Variants in TRPC4 observed in about 807,000 individuals in gnomAD.
TRPC4 encodes the protein transient receptor potential cation channel subfamily C member 4.
In TRPC4, 49 loss-of-function variants were observed where a neutral mutation model predicts 99.4. That is an observed-to-expected ratio of 0.49 (90% confidence interval 0.39 to 0.63). The LOEUF is 0.63. TRPC4 is among the 20% of genes least tolerant of loss of function. The probability of loss-of-function intolerance (pLI) is 0.00; values close to 1 mark genes in which losing one functional copy is unlikely to be tolerated. For synonymous variants in TRPC4, 454 were observed against 425.9 expected, an observed-to-expected ratio of 1.07 and a Z score of -0.81; for missense variants, 898 against 1,152.9, an observed-to-expected ratio of 0.78 and a Z score of 3.20.
chr13:37,798,693 C>G (rs1957316926), intron 1 of TRPC4, among the ~76,000 whole-genome samples: 1 of 152,008 alleles, frequency 6.6e-6, no homozygotes. Context: ...TTACTTTAAA[C>G]CAGATCTCAT....
At chr13:37,842,656 G>C (rs1472157322) in intron 1 of TRPC4, among the ~76,000 whole-genome samples, 2 of 152,120 alleles carry the variant, frequency 1.3e-5, no homozygotes, top group Non-Finnish European at 2.9e-5. Context: ...GAAAGGAGCA[G>C]GTAGCTCTCT....
intron 1 of TRPC4, among the ~76,000 whole-genome samples, chr13:37,829,834 A>G (rs970248159): frequency 5.9e-5 from 9 of 152,236 alleles, no homozygotes; most frequent in African/African-American, 1.9e-4. Context: ...AGTTCGTACT[A>G]CAACACAGAT....
intron 4 of TRPC4, among the ~76,000 whole-genome samples, chr13:37,686,740 C>T (rs1953495264): frequency 6.6e-6 from 1 of 152,122 alleles, no homozygotes; most frequent in Admixed American, 6.5e-5. Context: ...TCAATAGAAG[C>T]TATTTTTAAC....
chr13:37,789,972 AG>A (rs1957073405), intron 1 of TRPC4, among the ~76,000 whole-genome samples: 1 of 152,154 alleles, frequency 6.6e-6, no homozygotes, highest in African/African-American at 2.4e-5. Context: ...ACCAGATAAC[AG>A]GAGAATAAAA....
At chr13:37,822,152 A>G (rs1958031396) in intron 1 of TRPC4, among the ~76,000 whole-genome samples, 1 of 152,176 alleles carries the variant, frequency 6.6e-6, no homozygotes, top group Non-Finnish European at 1.5e-5. Flanking sequence ...ATGAACAGAC[A>G]CTTTTCCAAA....
chr13:37,706,222 G>A (rs1954270441), intron 3 of TRPC4, among the ~76,000 whole-genome samples: 1 of 152,156 alleles, frequency 6.6e-6, no homozygotes, highest in African/African-American at 2.4e-5. Flanking sequence ...GAAGGCTTAT[G>A]GGTTTATTTA....
At chr13:37,685,447 A>AC (rs1211148573) in intron 4 of TRPC4, among the ~76,000 whole-genome samples, 3 of 152,184 alleles carry the variant, frequency 2.0e-5, no homozygotes, top group Non-Finnish European at 2.9e-5. Flanking sequence ...AACATCATTT[A>AC]TTATGATTAA....
At chr13:37,774,364 A>G (rs1593711352) in intron 2 of TRPC4, among the ~76,000 whole-genome samples, 1 of 151,946 alleles carries the variant, frequency 6.6e-6, no homozygotes, top group Admixed American at 6.6e-5. Flanking sequence ...AATGACTCAA[A>G]CAATAGAGAC....
rs185694398 is a variant in TRPC4 at position 37,833,173 on chromosome 13, C to A, written c.-28+36422G>T. ...ATGCCATTTTCTTCTGCTTCTCATTCTATGTTTCTGGCATGCATTCTTCAT... is the reference window on the plus strand; with the variant it reads ...ATGCCATTTTCTTCTGCTTCTCATTATATGTTTCTGGCATGCATTCTTCAT... On this transcript the variant is annotated intron_variant, in intron 1 of 10. Coordinates refer to ENST00000379705, the MANE Select transcript of TRPC4 (RefSeq NM_016179.4). 5.3e-5 allele frequency among the ~76,000 whole-genome samples: 8 copies of A among 152,158 alleles called. No individual in the cohort carries two copies. The East Asian group carries it at 1.5e-3, about 29-fold the overall frequency.
At chr13:37,735,074 G>A (rs961056994) in intron 3 of TRPC4, among the ~76,000 whole-genome samples, 11 of 152,064 alleles carry the variant, frequency 7.2e-5, no homozygotes, top group Non-Finnish European at 1.5e-4. Context: ...TCAGCATCAT[G>A]AACTGCCAAA....
rs1177402846 is a variant in TRPC4, at chr13:37,826,508, G to A, written c.-28+43087C>T. Among the ~76,000 whole-genome samples, 17 of 149,258 alleles carry A rather than the reference G, an allele frequency of 1.1e-4. No homozygotes were observed. The East Asian group carries it at 3.4e-3, about 30-fold the overall frequency. On this transcript the variant is annotated intron_variant, in intron 1 of 10. Transcript: ENST00000379705. ...TCTCAGCATTTGCTTGTCTGTAAAG[G>A]ATTTTATTTCTCCTTCACTTATGAA...
At chr13:37,822,076 T>C (rs1958028852) in intron 1 of TRPC4, among the ~76,000 whole-genome samples, 1 of 152,098 alleles carries the variant, frequency 6.6e-6, no homozygotes, top group Non-Finnish European at 1.5e-5. Context: ...AAAGGTCTAA[T>C]ATCCAGAATA....
At chr13:37,856,127 C>T (rs1959172226) in intron 1 of TRPC4, among the ~76,000 whole-genome samples, 1 of 151,412 alleles carries the variant, frequency 6.6e-6, no homozygotes, top group Non-Finnish European at 1.5e-5. Context: ...AACTGACAAA[C>T]CTCTGGCCTG....
At position 37,639,104 on chromosome 13, in the gene TRPC4, C is replaced by T. The variant is rs764626170; in HGVS notation, c.2147G>A (p.Arg716Gln). 3.7e-6 allele frequency: 6 copies of T among 1,613,512 alleles called. No individual in the cohort carries two copies. The highest frequency in any genetic ancestry group is 1.3e-5 in the African/African-American group (1 of 74,876). ...ATCTCTAATCATTGCAGCAACGTAT[C>T]GCTTCACCAGGTTCCTCATAACTTC... Reference protein sequence around the residue: ...YQEVMRNLVKRYVAAMIRDAK... With the variant: ...YQEVMRNLVKQYVAAMIRDAK... The change falls in exon 10 of 11, where the codon CGA becomes CAA. Residue 716 changes from arginine (R) to glutamine (Q), a missense_variant. By Grantham distance (43) the Arg-to-Gln change is conservative (BLOSUM62 1). This residue lies in a region of TRPC4 where 346 missense variants were observed against 351.4 expected (regional missense o/e 0.98). Coordinates refer to ENST00000379705, the MANE Select transcript of TRPC4 (RefSeq NM_016179.4).
intron 10 of TRPC4, among the ~76,000 whole-genome samples, chr13:37,638,439 G>T (rs1363707486): frequency 2.0e-5 from 3 of 151,748 alleles, no homozygotes; most frequent in Non-Finnish European, 4.4e-5. Context: ...ATCTCCTATA[G>T]ATTTTTTTAA....
intron 4 of TRPC4, among the ~76,000 whole-genome samples, chr13:37,677,291 C>T (rs576880012): frequency 8.6e-5 from 13 of 151,788 alleles, no homozygotes; most frequent in African/African-American, 2.4e-4. Flanking sequence ...AAAGGAAAAA[C>T]GCAACGAAGA....
At chr13:37,700,176 T>C (rs1207586008) in intron 3 of TRPC4, among the ~76,000 whole-genome samples, 1 of 152,234 alleles carries the variant, frequency 6.6e-6, no homozygotes, top group African/African-American at 2.4e-5. Flanking sequence ...AAAATGCTAG[T>C]TATTTCTAGG....
chr13:37,752,627 T>C (rs775503421), intron 2 of TRPC4, among the ~76,000 whole-genome samples: 6 of 152,014 alleles, frequency 3.9e-5, no homozygotes, highest in Non-Finnish European at 5.9e-5. Flanking sequence ...TGCTAAGTTT[T>C]CCTAGCTCTT....
At chr13:37,707,169 C>T (rs1258259980) in intron 3 of TRPC4, among the ~76,000 whole-genome samples, 3 of 152,128 alleles carry the variant, frequency 2.0e-5, no homozygotes, top group African/African-American at 4.8e-5. Flanking sequence ...TAAGAACTAT[C>T]ATTTTTATAA....
Sources: gnomAD v4.1 joint callset for allele counts (sites outside exome capture counted in the v4.1 genomes callset) on GRCh38, gnomAD v4.1.1 for gene constraint, gnomAD v4.1.1 regional missense constraint, MANE v1.5 for transcripts, NCBI Gene and HGNC (gene_info 2026-07-23, HGNC 2026-07-21) for gene names.